SOBP: variants seen among roughly 807,000 people sequenced by gnomAD.
The protein encoded by SOBP is sine oculis binding protein homolog.
In SOBP, 4 loss-of-function variants were observed where a neutral mutation model predicts 53.6. The ratio of observed to expected loss-of-function variants is 0.07; its 90% CI spans 0.04 to 0.17. The LOEUF (loss-of-function observed/expected upper bound fraction) is 0.17, where lower values mean the gene tolerates loss of function less well. SOBP is among the 10% of genes least tolerant of loss of function. The pLI, the probability that SOBP is intolerant of heterozygous loss-of-function variation, is 1.00. For missense variants in SOBP, 1,088 were observed against 1,204.7 expected (o/e 0.90, Z 1.43); for synonymous variants, 584 against 522.6 (o/e 1.12, Z -1.60).
At chr6:107,538,638 A>G (rs1022550670) in intron 4 of SOBP, among the ~76,000 whole-genome samples, 6 of 152,160 alleles carry the variant, frequency 3.9e-5, no homozygotes, top group Non-Finnish European at 5.9e-5. Flanking sequence ...CTGTACTATA[A>G]GCCTATTCAC....
intron 3 of SOBP, among the ~76,000 whole-genome samples, chr6:107,512,231 G>A (rs1783191350): frequency 6.6e-6 from 1 of 152,146 alleles, no homozygotes; most frequent in African/African-American, 2.4e-5. Flanking sequence ...CAAAAAATAT[G>A]TCAGCAAGAA....
chr6:107,504,297 C>T (rs1343264227), intron 2 of SOBP, among the ~76,000 whole-genome samples: 3 of 152,092 alleles, frequency 2.0e-5, no homozygotes, highest in Non-Finnish European at 4.4e-5. Flanking sequence ...TTTCCCTGCC[C>T]CCACGCACTT....
chr6:107,531,585 G>A (rs1360438984), intron 3 of SOBP, among the ~76,000 whole-genome samples: 1 of 151,978 alleles, frequency 6.6e-6, no homozygotes, highest in East Asian at 1.9e-4. Flanking sequence ...TAGAGATCAT[G>A]TAAAATATAA....
chr6:107,654,730 G>T (rs567072666), intron 6 of SOBP, among the ~76,000 whole-genome samples: 48 of 152,208 alleles, frequency 3.2e-4, no homozygotes, highest in Admixed American at 1.8e-3. Context: ...AAGAATCGAG[G>T]CTCTGGGGGA....
At position 107,575,552 on chromosome 6, in the gene SOBP, G is replaced by A. The variant is rs1319053678; in HGVS notation, c.574-11528G>A. 1.2e-4 allele frequency among the ~76,000 whole-genome samples: 18 copies of A among 152,136 alleles called. No homozygotes were observed. In the East Asian group the frequency reaches 3.5e-3, roughly 29 times the overall value. On this transcript the variant is annotated intron_variant, in intron 4 of 6. Coordinates refer to ENST00000317357, the MANE Select transcript of SOBP (RefSeq NM_018013.4). ...ATGTTGGTAGCTAGAAAGGTTCAGTGAGGGAGGGAATGGAACAAACAGAAG... is the reference window on the plus strand; with the variant it reads ...ATGTTGGTAGCTAGAAAGGTTCAGTAAGGGAGGGAATGGAACAAACAGAAG...
intron 4 of SOBP, among the ~76,000 whole-genome samples, chr6:107,541,244 A>G (rs936140123): frequency 1.3e-5 from 2 of 152,212 alleles, no homozygotes; most frequent in African/African-American, 4.8e-5. Context: ...GTTAGTAGAT[A>G]TGAATTTTGT....
intron 5 of SOBP, among the ~76,000 whole-genome samples, chr6:107,590,167 G>A (rs1360007063): frequency 1.3e-5 from 2 of 152,180 alleles, no homozygotes; most frequent in African/African-American, 4.8e-5. Context: ...TGTGTTATGA[G>A]CTCACTGTTT....
chr6:107,559,616 G>C (rs1486907405), intron 4 of SOBP, among the ~76,000 whole-genome samples: 1 of 152,218 alleles, frequency 6.6e-6, no homozygotes, highest in Non-Finnish European at 1.5e-5. Flanking sequence ...GGCTTTATCA[G>C]GGAATCATGG....
intron 4 of SOBP, among the ~76,000 whole-genome samples, chr6:107,552,157 A>T (rs1369185717): frequency 6.6e-6 from 1 of 152,186 alleles, no homozygotes; most frequent in South Asian, 2.1e-4. Context: ...TCACCGTTGG[A>T]TGGATTCTCT....
chr6:107,491,737 T>TG (rs1304011935), intron 1 of SOBP, among the ~76,000 whole-genome samples: 3 of 152,232 alleles, frequency 2.0e-5, no homozygotes, highest in Non-Finnish European at 4.4e-5. Flanking sequence ...CTTCTTGGTG[T>TG]TCCCCATCTT....
At chr6:107,611,942 A>C (rs1379061187) in intron 5 of SOBP, among the ~76,000 whole-genome samples, 2 of 152,330 alleles carry the variant, frequency 1.3e-5, no homozygotes, top group East Asian at 3.9e-4. Context: ...ACCCCAAATG[A>C]GACATATGCA....
chr6:107,566,393 G>A (rs1046506985), intron 4 of SOBP, among the ~76,000 whole-genome samples: 1 of 152,216 alleles, frequency 6.6e-6, no homozygotes, highest in African/African-American at 2.4e-5. Flanking sequence ...CTCCCCAAGG[G>A]GGAGAAAGAA....
Position 107,506,374 on chromosome 6 carries a change from G to A in SOBP, c.368G>A (p.Ser123Asn), listed in dbSNP as rs2114949458. 2 of 1,614,218 alleles carry A rather than the reference G, an allele frequency of 1.2e-6. No homozygotes were observed. The highest frequency in any genetic ancestry group is 1.7e-6 in the Non-Finnish European group (2 of 1,180,040). ...DSPAGSKDHG[S>N]VPIIVPLIPP... is the part of the protein sequence containing the mutation. ...CCTGCAGGGTCAAAGGATCATGGCAGTGTGCCCATTATTGTACCTTTAATT... is the reference window on the plus strand; with the variant it reads ...CCTGCAGGGTCAAAGGATCATGGCAATGTGCCCATTATTGTACCTTTAATT... The change falls in exon 3 of 7, where the codon AGT (serine) becomes AAT (asparagine). Residue 123 changes from serine (S) to asparagine (N), a missense_variant. Coordinates refer to ENST00000317357, the MANE Select transcript of SOBP (RefSeq NM_018013.4).
At chr6:107,640,007 T>G (rs985497215) in intron 6 of SOBP, among the ~76,000 whole-genome samples, 4 of 152,202 alleles carry the variant, frequency 2.6e-5, no homozygotes, top group Non-Finnish European at 5.9e-5. Context: ...ACTTGACATC[T>G]TATTTTCTCA....
At chr6:107,526,438 C>T (rs1562590534) in intron 3 of SOBP, among the ~76,000 whole-genome samples, 1 of 152,162 alleles carries the variant, frequency 6.6e-6, no homozygotes, top group Non-Finnish European at 1.5e-5. Context: ...GATTCTTGCC[C>T]ATTTCAAGCC....
intron 6 of SOBP, among the ~76,000 whole-genome samples, chr6:107,653,116 C>A (rs568362529): frequency 6.6e-6 from 1 of 152,274 alleles, no homozygotes; most frequent in South Asian, 2.1e-4. Flanking sequence ...TCATCCTCTT[C>A]AAAAATGAGA....
intron 5 of SOBP, among the ~76,000 whole-genome samples, chr6:107,596,736 A>G (rs1164882050): frequency 6.6e-6 from 1 of 152,208 alleles, no homozygotes; most frequent in East Asian, 1.9e-4. Flanking sequence ...GTAGATGAGC[A>G]ATAATCTCTT....
chr6:107,588,150 C>G (rs977105541), intron 5 of SOBP, among the ~76,000 whole-genome samples: 2 of 152,206 alleles, frequency 1.3e-5, no homozygotes, highest in African/African-American at 2.4e-5. Flanking sequence ...CCGACCAGCT[C>G]TGCCAGGTCT....
chr6:107,561,442 G>T (rs1784768113), intron 4 of SOBP, among the ~76,000 whole-genome samples: 1 of 152,276 alleles, frequency 6.6e-6, no homozygotes, highest in Admixed American at 6.5e-5. Context: ...TAGATATTCT[G>T]TGCTTGCATA....
Sources: gnomAD v4.1 joint callset for allele counts (sites outside exome capture counted in the v4.1 genomes callset) on GRCh38, gnomAD v4.1.1 for gene constraint, MANE v1.5 for transcripts, NCBI Gene and HGNC (gene_info 2026-07-23, HGNC 2026-07-21) for gene names.